Variants in SRBD1 observed in about 807,000 individuals in gnomAD.
The protein encoded by SRBD1 is S1 RNA binding domain 1, also known as S1 RNA-binding domain-containing protein 1.
A neutral mutation model predicts 115.3 loss-of-function variants in SRBD1; 88 were observed. The ratio of observed to expected loss-of-function variants is 0.76; its 90% CI spans 0.64 to 0.91. The LOEUF is 0.91. Ranked by LOEUF, SRBD1 falls within the 40% of genes least tolerant of loss-of-function variation. The pLI is 0.00. For missense variants in SRBD1, 1,385 were observed against 1,177.4 expected, an observed-to-expected ratio of 1.18 and a Z score of -2.58; for synonymous variants, 509 against 407.7, an observed-to-expected ratio of 1.25 and a Z score of -2.99.
At chr2:45,465,008 C>CACAT (rs1417486025) in intron 16 of SRBD1, among the ~76,000 whole-genome samples, 3 of 91,370 alleles carry the variant, frequency 3.3e-5, no homozygotes, top group African/African-American at 1.0e-4. Flanking sequence ...TGTACACACA[C>CACAT]ACACACACAC....
chr2:45,512,271 T>C (rs184697410), intron 14 of SRBD1, among the ~76,000 whole-genome samples: 11 of 152,348 alleles, frequency 7.2e-5, no homozygotes, highest in African/African-American at 2.6e-4. Context: ...GTTTTACCTA[T>C]AGACCATACT....
At chr2:45,413,329 G>A in intron 18 of SRBD1, 36 bp from the exon 19 acceptor site, 4 of 1,583,682 alleles carry the variant, frequency 2.5e-6, no homozygotes, top group East Asian at 2.2e-5. Flanking sequence ...TTTATGAAAA[G>A]GGGAAGGTTG....
In SRBD1 at chr2:45,414,787, T is replaced by TGTGTATATAGTATGTACACACACACAC. The variant is rs1558563518; in HGVS notation, c.2334-1495_2334-1494insGTGTGTGTGTGTACATACTATATACAC. On this transcript the variant is annotated intron_variant, in intron 18 of 20. Transcript: ENST00000263736. Reference sequence around the variant, plus strand: ...TGTATATAGTATGTACACACACACATAGTGTGTATATAGTATGTACACACA... The same window carrying TGTGTATATAGTATGTACACACACACAC: ...TGTATATAGTATGTACACACACACATGTGTATATAGTATGTACACACACACACAGTGTGTATATAGTATGTACACACA... Among the ~76,000 whole-genome samples the TGTGTATATAGTATGTACACACACACAC allele has an allele frequency of 1.8e-3, 118 of 63,994 alleles. 27 individuals carry two copies. The highest frequency in any genetic ancestry group is 4.9e-3 in the African/African-American group (96 of 19,452). The allele number at this position is 63,994 out of a possible 152,430, so 42.0% of individuals were successfully genotyped here.
At chr2:45,466,332 C>T (rs1669489926) in intron 16 of SRBD1, among the ~76,000 whole-genome samples, 1 of 152,170 alleles carries the variant, frequency 6.6e-6, no homozygotes, top group African/African-American at 2.4e-5. Flanking sequence ...TAGGCTATTC[C>T]TGGAGGCATC....
chr2:45,594,117 G>C (rs556984658), intron 4 of SRBD1, among the ~76,000 whole-genome samples: 2 of 152,208 alleles, frequency 1.3e-5, no homozygotes, highest in Admixed American at 6.5e-5. Flanking sequence ...TGGACAAATA[G>C]GTTAAACCTA....
At chr2:45,579,211 T>C (rs1220456700) in intron 7 of SRBD1, among the ~76,000 whole-genome samples, 1 of 152,176 alleles carries the variant, frequency 6.6e-6, no homozygotes, top group Non-Finnish European at 1.5e-5. Flanking sequence ...CCTTACTTCT[T>C]CCCTCTCTTA....
intron 14 of SRBD1, among the ~76,000 whole-genome samples, chr2:45,516,596 A>G (rs1430284106): frequency 6.6e-6 from 1 of 152,236 alleles, no homozygotes; most frequent in Non-Finnish European, 1.5e-5. Flanking sequence ...ATAATTCTCT[A>G]CATTGCTCTT....
chr2:45,541,088 C>T (rs539404798), intron 14 of SRBD1, among the ~76,000 whole-genome samples: 6 of 152,304 alleles, frequency 3.9e-5, no homozygotes, highest in East Asian at 3.9e-4. Flanking sequence ...GTGAGCCAGG[C>T]GTAGTGCGGT....
intron 4 of SRBD1, among the ~76,000 whole-genome samples, chr2:45,589,957 T>C (rs938183068): frequency 4.6e-5 from 7 of 152,210 alleles, no homozygotes; most frequent in Non-Finnish European, 8.8e-5. Context: ...TACATTGTTT[T>C]AAGACCACAG....
At chr2:45,424,096 A>G (rs1390931297) in intron 16 of SRBD1, among the ~76,000 whole-genome samples, 1 of 152,194 alleles carries the variant, frequency 6.6e-6, no homozygotes, top group Non-Finnish European at 1.5e-5. Flanking sequence ...TAGAAAACAT[A>G]CTGATGTAAT....
chr2:45,532,688 A>G (rs1375177002), intron 14 of SRBD1, among the ~76,000 whole-genome samples: 1 of 151,796 alleles, frequency 6.6e-6, no homozygotes, highest in East Asian at 1.9e-4. Context: ...AACTGGGCGT[A>G]ACCTTAGAAA....
At chr2:45,493,159 T>C (rs1193845596) in intron 14 of SRBD1, among the ~76,000 whole-genome samples, 1 of 152,224 alleles carries the variant, frequency 6.6e-6, no homozygotes, top group Non-Finnish European at 1.5e-5. Context: ...AAATAATTTA[T>C]CTAAAAAACA....
At chr2:45,580,489 G>A (rs1363426894) in intron 6 of SRBD1, among the ~76,000 whole-genome samples, 1 of 149,758 alleles carries the variant, frequency 6.7e-6, no homozygotes, top group Non-Finnish European at 1.5e-5. Flanking sequence ...GGGACTACAG[G>A]AGCGCACCAC....
chr2:45,501,929 T>G (rs964766632), intron 14 of SRBD1, among the ~76,000 whole-genome samples: 1 of 152,116 alleles, frequency 6.6e-6, no homozygotes, highest in Non-Finnish European at 1.5e-5. Flanking sequence ...TCTGACAGCT[T>G]TGAAGAGAGT....
chr2:45,574,514 T>TA (rs1673116843), intron 8 of SRBD1, 113 bp downstream of exon 8: 73 of 924,998 alleles, frequency 7.9e-5, no homozygotes, highest in South Asian at 2.0e-4. Context: ...TTTGCTACTT[T>TA]AAAAAAAAGT....
At chr2:45,526,775 A>C (rs1434076810) in intron 14 of SRBD1, among the ~76,000 whole-genome samples, 7 of 151,992 alleles carry the variant, frequency 4.6e-5, no homozygotes, top group Non-Finnish European at 8.8e-5. Context: ...TATCAAAATG[A>C]ATGAATATAA....
At chr2:45,546,464 T>C (rs556578784) in intron 14 of SRBD1, 6 of 603,488 alleles carry the variant, frequency 9.9e-6, no homozygotes, top group South Asian at 1.5e-4. Context: ...ACACAATGTA[T>C]AGCCTAGAAA....
chr2:45,414,578 ATATAGTGTGTGTGTACACATAGTGTG>A (rs1667716168), intron 18 of SRBD1, among the ~76,000 whole-genome samples: 1 of 145,518 alleles, frequency 6.9e-6, no homozygotes, highest in African/African-American at 2.6e-5. Flanking sequence ...CATAGTGTGT[ATATAGTGTGTGTGTACACATAGTGTG>A]TATAGTGTGT....
At chr2:45,489,178 T>C (rs1670215463) in intron 14 of SRBD1, among the ~76,000 whole-genome samples, 1 of 152,208 alleles carries the variant, frequency 6.6e-6, no homozygotes, top group South Asian at 2.1e-4. Context: ...AGAAACATCA[T>C]CTACTCTAAG....
Sources: gnomAD v4.1 joint callset for allele counts (sites outside exome capture counted in the v4.1 genomes callset) on GRCh38, gnomAD v4.1.1 for gene constraint, MANE v1.5 for transcripts, NCBI Gene and HGNC (gene_info 2026-07-23, HGNC 2026-07-21) for gene names.